The following SCTR variants were observed in gnomAD, a reference collection of about 807,000 sequenced individuals.
SCTR encodes pancreatic secretin receptor.
Under a neutral mutation model 60.8 loss-of-function variants are expected in SCTR, and 56 were observed. That is an observed-to-expected ratio of 0.92 (90% CI 0.74 to 1.15). The LOEUF (loss-of-function observed/expected upper bound fraction) is 1.15, where lower values mean the gene tolerates loss of function less well. Ranked by LOEUF, SCTR falls within the 50% of genes most tolerant of loss-of-function variation. SCTR has a pLI of 0.00. For missense variants in SCTR, 562 were observed against 550.4 expected, an observed-to-expected ratio of 1.02 and a Z score of -0.21; for synonymous variants, 202 against 217.0, an observed-to-expected ratio of 0.93 and a Z score of 0.61.
intron 6 of SCTR, among the ~76,000 whole-genome samples, chr2:119,463,859 A>G (rs1030482853): frequency 6.6e-6 from 1 of 152,026 alleles, no homozygotes; most frequent in Non-Finnish European, 1.5e-5. Context: ...TAATTCCTAG[A>G]GTGACCAGTT....
chr2:119,507,390 G>A (rs1163009857), intron 1 of SCTR, among the ~76,000 whole-genome samples: 1 of 152,140 alleles, frequency 6.6e-6, no homozygotes, highest in African/African-American at 2.4e-5. Flanking sequence ...TTAAAATAAT[G>A]TTTAAATATG....
At chr2:119,442,141 G>T (rs1682679740) in intron 11 of SCTR, among the ~76,000 whole-genome samples, 1 of 152,238 alleles carries the variant, frequency 6.6e-6, no homozygotes, top group African/African-American at 2.4e-5. Context: ...ATGGACAGGT[G>T]GGTGCACCTC....
intron 1 of SCTR, among the ~76,000 whole-genome samples, chr2:119,500,630 C>CAA (rs201491388): frequency 6.6e-6 from 1 of 151,604 alleles, no homozygotes; most frequent in African/African-American, 2.4e-5. Flanking sequence ...CACAAAAAGA[C>CAA]AAAAAAAATC....
In SCTR at chr2:119,453,287, C is replaced by T; in HGVS notation, c.851G>A (p.Gly284Glu). ...AIARHFLEDV[G>E]CWDINANASI... is the part of the protein sequence containing the mutation. ...TGTTATCCTCCTTCCGTTAGCTTACCCAACATCTTCCAGAAAGTGTCTGGC... is the reference window on the plus strand; with the variant it reads ...TGTTATCCTCCTTCCGTTAGCTTACTCAACATCTTCCAGAAAGTGTCTGGC... The change falls in exon 8 of 13, where the codon GGG becomes GAG. Residue 284 changes from glycine (G) to glutamate (E), a missense_variant and splice_region_variant. Transcript: ENST00000019103. 1 of 1,608,246 alleles carries T rather than the reference C, an allele frequency of 6.2e-7. No homozygotes were observed. Among genetic ancestry groups the T allele is most frequent in the Non-Finnish European group, 8.5e-7 (1 of 1,174,700 alleles).
chr2:119,491,361 G>A (rs936050105), intron 2 of SCTR, among the ~76,000 whole-genome samples: 28 of 152,164 alleles, frequency 1.8e-4, no homozygotes, highest in African/African-American at 6.8e-4. Flanking sequence ...GCAACCACCA[G>A]TCAGGCTCCG....
rs529542887 is a variant in SCTR at position 119,490,169 on chromosome 2, C to T, written c.193+4259G>A. Among the ~76,000 whole-genome samples the T allele has an allele frequency of 2.6e-5, 4 of 152,310 alleles. No homozygotes were observed. In the South Asian group the frequency reaches 8.3e-4, roughly 32 times the overall value. The stretch of plus-strand genomic sequence containing the variant: ...ATGCCATAAGACCATGGTCTAGCTC[C>T]CCAAGTGCAGTCGGAGCCAGAGGGA... On this transcript the variant is annotated intron_variant, in intron 2 of 12. Coordinates refer to ENST00000019103, the MANE Select transcript of SCTR (RefSeq NM_002980.3).
At chr2:119,456,615 G>A (rs1466279122) in intron 7 of SCTR, among the ~76,000 whole-genome samples, 2 of 152,146 alleles carry the variant, frequency 1.3e-5, no homozygotes, top group Non-Finnish European at 2.9e-5. Context: ...AGTCAAGCAA[G>A]AAGGCAGAAA....
At chr2:119,445,267 G>A (rs1333437720) in intron 11 of SCTR, among the ~76,000 whole-genome samples, 2 of 152,126 alleles carry the variant, frequency 1.3e-5, no homozygotes, top group Non-Finnish European at 2.9e-5. Context: ...CCTGCTAGAT[G>A]GGCCATTGTG....
chr2:119,499,397 CA>C (rs1214130320), intron 1 of SCTR, among the ~76,000 whole-genome samples: 1 of 151,978 alleles, frequency 6.6e-6, no homozygotes, highest in Non-Finnish European at 1.5e-5. Context: ...ACATTTCACC[CA>C]ACAACAGCAG....
chr2:119,453,322 C>A lies in SCTR; in HGVS notation c.816G>T (p.Leu272Phe), dbSNP rs550428131. 1.9e-6 allele frequency: 3 copies of A among 1,613,874 alleles called. No homozygotes were observed. In the African/African-American group the frequency reaches 4.0e-5, roughly 22 times the overall value. Reference sequence around the variant, plus strand: ...CCAGAAAGTGTCTGGCAATAGCCCACAAAGCAACAAAAATGGCTGGAGAAC... The same window carrying A: ...CCAGAAAGTGTCTGGCAATAGCCCAAAAAGCAACAAAAATGGCTGGAGAAC... ...GWGSPAIFVA[L>F]WAIARHFLED... is the part of the protein sequence containing the mutation. Residue 272 changes from leucine (L) to phenylalanine (F), a missense_variant, in exon 8 of 13, where the codon TTG (leucine) becomes TTT (phenylalanine). Physicochemically the swap from Leu to Phe is conservative, Grantham distance 22 (BLOSUM62 0). Transcript: ENST00000019103.
At chr2:119,523,432 T>C (rs1221760220) in intron 1 of SCTR, among the ~76,000 whole-genome samples, 1 of 146,910 alleles carries the variant, frequency 6.8e-6, no homozygotes. Flanking sequence ...TTATTATTAT[T>C]ATTATTATTT....
chr2:119,469,734 T>G (rs1171356938), intron 4 of SCTR, among the ~76,000 whole-genome samples: 1 of 152,024 alleles, frequency 6.6e-6, no homozygotes, highest in Non-Finnish European at 1.5e-5. Context: ...TTCAAGTGAT[T>G]CTCCCAGCCC....
At chr2:119,448,343 G>A (rs774720384) in intron 10 of SCTR, among the ~76,000 whole-genome samples, 1 of 152,174 alleles carries the variant, frequency 6.6e-6, no homozygotes, top group Admixed American at 6.5e-5. Context: ...TGATGAAACC[G>A]AAGGTCATCC....
chr2:119,502,342 C>T (rs1475160788), intron 1 of SCTR, among the ~76,000 whole-genome samples: 1 of 152,068 alleles, frequency 6.6e-6, no homozygotes, highest in African/African-American at 2.4e-5. Context: ...AATTTATATG[C>T]TGAGAACAAC....
chr2:119,464,586 G>A (rs758062736), intron 5 of SCTR, among the ~76,000 whole-genome samples: 4 of 152,126 alleles, frequency 2.6e-5, no homozygotes, highest in Non-Finnish European at 5.9e-5. Context: ...CAAAAAAATT[G>A]TTTTTGTTTT....
intron 11 of SCTR, among the ~76,000 whole-genome samples, chr2:119,444,412 TATACCCATATACGTATGA>T (rs1558831205): frequency 5.2e-5 from 7 of 133,816 alleles, no homozygotes; most frequent in Admixed American, 7.4e-5. Flanking sequence ...TATGAATATA[TATACCCATATACGTATGA>T]ATATACACAT....
intron 3 of SCTR, among the ~76,000 whole-genome samples, chr2:119,477,746 C>A (rs1465939076): frequency 6.6e-6 from 1 of 152,192 alleles, no homozygotes. Context: ...CCACCGCACC[C>A]AGCCTGTTTT....
chr2:119,477,740 C>T (rs138795606), intron 3 of SCTR, among the ~76,000 whole-genome samples: 1,951 of 152,294 alleles, frequency 0.013, 34 homozygotes, highest in African/African-American at 0.041. Flanking sequence ...TGTGAGCCAC[C>T]GCACCCAGCC....
chr2:119,502,173 G>A (rs188254234), intron 1 of SCTR, among the ~76,000 whole-genome samples: 1 of 152,198 alleles, frequency 6.6e-6, no homozygotes, highest in African/African-American at 2.4e-5. Flanking sequence ...GGAGGCTTAA[G>A]CCCATGAGGT....
Sources: gnomAD v4.1 joint callset for allele counts (sites outside exome capture counted in the v4.1 genomes callset) on GRCh38, gnomAD v4.1.1 for gene constraint, MANE v1.5 for transcripts, NCBI Gene and HGNC (gene_info 2026-07-23, HGNC 2026-07-21) for gene names.